Variants in PPP1R37 observed in about 807,000 individuals in gnomAD.
PPP1R37 encodes the protein leucine rich repeat containing 68.
A neutral mutation model predicts 61.0 loss-of-function variants in PPP1R37; 21 were observed. The ratio of observed to expected loss-of-function variants is 0.34; its 90% CI spans 0.24 to 0.50. The LOEUF (loss-of-function observed/expected upper bound fraction) is 0.50. Among genes scored for constraint, PPP1R37 ranks in the 20% least tolerant of loss-of-function variants. The pLI is 0.98. For missense variants in PPP1R37, 910 were observed against 952.7 expected (o/e 0.96, Z 0.59); for synonymous variants, 443 against 433.5 (o/e 1.02, Z -0.27).
At chr19:45,140,992 C>T (rs539871328) in intron 4 of PPP1R37, among the ~76,000 whole-genome samples, 2 of 152,240 alleles carry the variant, frequency 1.3e-5, no homozygotes, top group African/African-American at 2.4e-5. Context: ...CTTGGGAGTC[C>T]CCAGGCACCC....
rs1331418861 is a variant in PPP1R37 at position 45,121,216 on chromosome 19, G to T, written c.203-17298G>T. 6.6e-6 allele frequency among the ~76,000 whole-genome samples: 1 copy of T among 152,196 alleles called. No homozygotes were observed. Among genetic ancestry groups the T allele is most frequent in the African/African-American group, 2.4e-5 (1 of 41,448 alleles). Reference sequence around the variant, plus strand: ...GGGATTGTAGGAGTGGTGGGAGAGCGTGGGGATGATTACTGTTGGGAAATG... The same window carrying T: ...GGGATTGTAGGAGTGGTGGGAGAGCTTGGGGATGATTACTGTTGGGAAATG... On this transcript the variant is annotated intron_variant, in intron 1 of 12. Transcript: ENST00000221462. This position sits in a 1 kb window ranked among gnomAD's most constrained non-coding sequence, Gnocchi z 4.2.
At chr19:45,138,864 T>G (rs920905228) in intron 2 of PPP1R37, among the ~76,000 whole-genome samples, 1 of 151,750 alleles carries the variant, frequency 6.6e-6, no homozygotes, top group African/African-American at 2.4e-5. Context: ...AAGAGGCATA[T>G]CTACGATTCT....
At chr19:45,105,874 T>A (rs1968123744) in intron 1 of PPP1R37, among the ~76,000 whole-genome samples, 1 of 152,144 alleles carries the variant, frequency 6.6e-6, no homozygotes, top group African/African-American at 2.4e-5. Flanking sequence ...AGGTGTTCAG[T>A]AAATGTTGTT....
At chr19:45,104,846 C>T (rs1231726914) in intron 1 of PPP1R37, among the ~76,000 whole-genome samples, 2 of 152,146 alleles carry the variant, frequency 1.3e-5, no homozygotes, top group African/African-American at 4.8e-5. Flanking sequence ...ACGCAGGCAG[C>T]TCCCCACATC....
At chr19:45,102,729 A>G (rs925602180) in intron 1 of PPP1R37, among the ~76,000 whole-genome samples, 2 of 152,160 alleles carry the variant, frequency 1.3e-5, no homozygotes, top group African/African-American at 4.8e-5. Context: ...CCATTTTGCC[A>G]GATGAGGACT....
chr19:45,127,351 T>TA (rs1968418356), intron 1 of PPP1R37, among the ~76,000 whole-genome samples: 1 of 44,424 alleles, frequency 2.3e-5, no homozygotes, highest in African/African-American at 1.0e-4. Context: ...AAACTCCATC[T>TA]CAAAAAAAAA....
At chr19:45,118,216 A>G (rs1183842443) in intron 1 of PPP1R37, among the ~76,000 whole-genome samples, 1 of 152,126 alleles carries the variant, frequency 6.6e-6, no homozygotes, top group Non-Finnish European at 1.5e-5. Flanking sequence ...CGCTGTCCCC[A>G]TGAGTGCCCA....
At position 45,145,097 on chromosome 19, in the gene PPP1R37, C is replaced by A; in HGVS notation, c.1133C>A (p.Ala378Glu). The A allele has an allele frequency of 6.5e-7, 1 of 1,532,412 alleles. No homozygotes were observed. The highest frequency in any genetic ancestry group is 8.7e-7 in the Non-Finnish European group (1 of 1,145,366). 94.9% of individuals were successfully genotyped at this position (1,532,412 alleles called of 1,614,324 possible). ...LASTKLTCEG[A>E]VAVAEFIAES... ...AGCCCCTGCGGTGCCCCCCCAGGCG[C>A]GGTGGCGGTGGCGGAGTTCATCGCT... Residue 378 changes from alanine to glutamate, a missense_variant, in exon 10 of 13, where the codon GCG becomes GAG. This residue lies in a region of PPP1R37 where 549 missense variants were observed against 505.1 expected (regional missense o/e 1.09). Coordinates refer to ENST00000221462, the MANE Select transcript of PPP1R37 (RefSeq NM_019121.2).
chr19:45,126,958 G>C (rs922291979), intron 1 of PPP1R37, among the ~76,000 whole-genome samples: 3 of 152,254 alleles, frequency 2.0e-5, no homozygotes, highest in Admixed American at 2.0e-4. Context: ...TGTGAGTTGT[G>C]TAGTAATACG....
At chr19:45,111,258 A>AATTATTATT (rs72048408) in intron 1 of PPP1R37, among the ~76,000 whole-genome samples, 1 of 149,320 alleles carries the variant, frequency 6.7e-6, no homozygotes, top group African/African-American at 2.5e-5. Flanking sequence ...TCTGCTTTTT[A>AATTATTATT]ATTATTATTA....
At chr19:45,124,911 C>T (rs1464188543) in intron 1 of PPP1R37, among the ~76,000 whole-genome samples, 1 of 151,984 alleles carries the variant, frequency 6.6e-6, no homozygotes, top group African/African-American at 2.4e-5. Flanking sequence ...TGCAAGGCTG[C>T]AGTGAGCTAT....
chr19:45,131,319 A>G (rs566124115), intron 1 of PPP1R37, among the ~76,000 whole-genome samples: 1 of 152,124 alleles, frequency 6.6e-6, no homozygotes, highest in African/African-American at 2.4e-5. Context: ...CTCTCCCTGG[A>G]GCTCATGCCT....
intron 1 of PPP1R37, among the ~76,000 whole-genome samples, chr19:45,120,087 C>T (rs559908360): frequency 3.4e-5 from 5 of 145,978 alleles, no homozygotes; most frequent in South Asian, 2.2e-4. Context: ...GCGCGATCTC[C>T]GCTCACTGCA....
rs536283909 is a variant in PPP1R37 at position 45,101,316 on chromosome 19, T to G, written c.202+7789T>G. ...TCTGAAGAACAGAAAAAAGCCAGACTTAGTTGAGGTAGAGGCAGGCTGGTC... is the reference window on the plus strand; with the variant it reads ...TCTGAAGAACAGAAAAAAGCCAGACGTAGTTGAGGTAGAGGCAGGCTGGTC... On this transcript the variant is annotated intron_variant, in intron 1 of 12. Transcript: ENST00000221462. 4.7e-4 allele frequency among the ~76,000 whole-genome samples: 72 copies of G among 152,214 alleles called. 1 individual carries two copies. The Middle Eastern group carries it at 0.014, about 29-fold the overall frequency.
Position 45,144,865 on chromosome 19 carries a change from G to A in PPP1R37, c.999G>A (p.Gln333=). ...CCCCCTCCCTCCAGCCGCACACTCA[G>A]AGCCTGGAGACGCTGAACCTGGGCC... is the stretch of plus-strand genomic sequence containing the variant. The part of the protein sequence containing the change: ...AFLGMTLPHT[Q]SLETLNLGHN... The change falls in exon 9 of 13, where the codon CAG becomes CAA. Residue 333 remains glutamine, a synonymous_variant. Transcript: ENST00000221462. The A allele has an allele frequency of 6.5e-7, 1 of 1,534,046 alleles. No homozygotes were observed. Among genetic ancestry groups the A allele is most frequent in the South Asian group, 1.2e-5 (1 of 83,658 alleles).
chr19:45,105,632 C>T (rs953444463), intron 1 of PPP1R37, among the ~76,000 whole-genome samples: 3 of 152,132 alleles, frequency 2.0e-5, no homozygotes, highest in Non-Finnish European at 4.4e-5. Context: ...TCCATGACTC[C>T]GTTCTCACTC....
intron 1 of PPP1R37, among the ~76,000 whole-genome samples, chr19:45,102,090 G>A (rs1007104187): frequency 4.7e-4 from 71 of 152,308 alleles, no homozygotes; most frequent in African/African-American, 1.6e-3. Flanking sequence ...TGTGGGAGGC[G>A]TGTGGGCTGT....
chr19:45,122,790 C>T (rs1371420309), intron 1 of PPP1R37, among the ~76,000 whole-genome samples: 1 of 152,028 alleles, frequency 6.6e-6, no homozygotes, highest in Non-Finnish European at 1.5e-5. Context: ...ACTGTAGCAG[C>T]CCCTCCCCAG....
chr19:45,095,543 A>G (rs976452107), intron 1 of PPP1R37, among the ~76,000 whole-genome samples: 1 of 151,320 alleles, frequency 6.6e-6, no homozygotes, highest in Non-Finnish European at 1.5e-5. Flanking sequence ...TGGGCAGATC[A>G]CCTGAGCCCA....
Sources: allele counts gnomAD v4.1 joint callset (sites outside exome capture counted in the v4.1 genomes callset), GRCh38; gene constraint gnomAD v4.1.1; regional missense constraint gnomAD v4.1.1; non-coding constraint Gnocchi (gnomAD v3.1); transcripts MANE v1.5; gene names NCBI Gene and HGNC (gene_info 2026-07-23, HGNC 2026-07-21).